TLN2: variants seen among roughly 807,000 people sequenced by gnomAD.
The protein encoded by TLN2 is talin 2.
A neutral mutation model predicts 294.7 loss-of-function variants in TLN2; 118 were observed. The observed-to-expected ratio is 0.40, with a 90% CI of 0.34 to 0.47. The LOEUF is 0.47. Among genes scored for constraint, TLN2 ranks in the 20% least tolerant of loss-of-function variants. The probability of loss-of-function intolerance (pLI) is 0.84; values close to 1 mark genes in which losing one functional copy is unlikely to be tolerated. For missense variants in TLN2, 3,083 were observed against 3,282.2 expected, an observed-to-expected ratio of 0.94 and a Z score of 1.48; for synonymous variants, 1,431 against 1,304.5, an observed-to-expected ratio of 1.10 and a Z score of -2.09.
In TLN2 at chr15:62,492,513, G is replaced by A. The variant is rs1182106381; in HGVS notation, c.-237-97174G>A. On this transcript the variant is annotated intron_variant, in intron 1 of 58. Coordinates refer to ENST00000636159, the MANE Select transcript of TLN2 (RefSeq NM_015059.3). ...AGAAGTTGCAGTGAGCCGAGATGGC[G>A]CCCCTGGGCGACAGAGCGAGACTCT... 4.9e-5 allele frequency among the ~76,000 whole-genome samples: 7 copies of A among 142,382 alleles called. No homozygotes were observed. In the East Asian group the frequency reaches 6.6e-4, roughly 13 times the overall value. The allele number at this position is 142,382 out of a possible 152,430, so 93.4% of individuals were successfully genotyped here. A position where few individuals can be genotyped will look rare whatever the true frequency, so the allele number is the denominator to read the frequency against.
chr15:62,668,745 C>G (rs887473903), intron 9 of TLN2, among the ~76,000 whole-genome samples: 3 of 152,146 alleles, frequency 2.0e-5, no homozygotes, highest in East Asian at 1.9e-4. Flanking sequence ...TACAAGATGC[C>G]GGCTTCCCAC....
In TLN2 at chr15:62,841,146, CA is replaced by C. The variant is rs1468020956; in HGVS notation, c.*537del. Reference sequence around the variant, plus strand: ...TCCATGTCTTGAGCACTGGCTCACCCAGGGGGTGAAAAATTCCCGCCCCTGT... The same window carrying C: ...TCCATGTCTTGAGCACTGGCTCACCCGGGGGTGAAAAATTCCCGCCCCTGT... On this transcript the variant is annotated 3_prime_UTR_variant, in exon 59 of 59. Coordinates refer to ENST00000636159, the MANE Select transcript of TLN2 (RefSeq NM_015059.3). 1.3e-5 allele frequency: 2 copies of C among 152,822 alleles called. No individual in the cohort carries two copies. The highest frequency in any genetic ancestry group is 1.9e-4 in the East Asian group (1 of 5,194). The allele number at this position is 152,822 out of a possible 1,614,324, so 9.5% of individuals were successfully genotyped here.
intron 1 of TLN2, among the ~76,000 whole-genome samples, chr15:62,447,010 C>T (rs1053970562): frequency 6.6e-6 from 1 of 152,102 alleles, no homozygotes; most frequent in Admixed American, 6.5e-5. Flanking sequence ...GTTTTTAGGT[C>T]AGTGGAGTTT....
chr15:62,680,703 C>A (rs1276035854), intron 11 of TLN2, among the ~76,000 whole-genome samples: 1 of 151,758 alleles, frequency 6.6e-6, no homozygotes, highest in African/African-American at 2.4e-5. Flanking sequence ...ATTATACTTA[C>A]TGTATAGTTT....
rs1596327590 is a variant in TLN2, at chr15:62,608,148, A to C, written c.-161-10203A>C. On this transcript the variant is annotated intron_variant, in intron 2 of 58. Transcript: ENST00000636159. ...GACTCTAATTGACATTCATTTATTC[A>C]ACAAACATTTATTGAGCATCTACAA... Among the ~76,000 whole-genome samples the C allele has an allele frequency of 3.9e-5, 6 of 152,124 alleles. No individual in the cohort carries two copies. The South Asian group carries it at 1.2e-3, about 32-fold the overall frequency.
intron 1 of TLN2, among the ~76,000 whole-genome samples, chr15:62,585,077 T>G (rs1171410099): frequency 1.3e-5 from 2 of 152,218 alleles, no homozygotes; most frequent in Non-Finnish European, 2.9e-5. Context: ...TAATGGAATT[T>G]GATGACAAAT....
At position 62,697,830 on chromosome 15, in the gene TLN2, A is replaced by G; in HGVS notation, c.1435A>G (p.Met479Val). The G allele has an allele frequency of 6.2e-7, 1 of 1,612,904 alleles. No homozygotes were observed. The highest frequency in any genetic ancestry group is 1.1e-5 in the South Asian group (1 of 91,056). The change falls in exon 15 of 59, where the codon ATG becomes GTG. Residue 479 changes from methionine (M) to valine (V), a missense_variant. Coordinates refer to ENST00000636159, the MANE Select transcript of TLN2 (RefSeq NM_015059.3). ...CATGCCCTCGCCACAGCAGCAGGTCATGGTTGGGCAGATGCACCGAGGCCA... is the reference window on the plus strand; with the variant it reads ...CATGCCCTCGCCACAGCAGCAGGTCGTGGTTGGGCAGATGCACCGAGGCCA... ...GSMPSPQQQVMVGQMHRGHMP... is the reference protein window; with the variant it reads ...GSMPSPQQQVVVGQMHRGHMP...
chr15:62,455,329 C>T (rs1595845335), intron 1 of TLN2, among the ~76,000 whole-genome samples: 2 of 152,042 alleles, frequency 1.3e-5, no homozygotes, highest in African/African-American at 2.4e-5. Context: ...ACTTCAGCCG[C>T]GCCTTCAGCA....
At chr15:62,487,250 T>C (rs759480338) in intron 1 of TLN2, among the ~76,000 whole-genome samples, 8 of 152,192 alleles carry the variant, frequency 5.3e-5, no homozygotes, top group Non-Finnish European at 1.0e-4. Context: ...ACTTGCGTGA[T>C]GTGTACATAC....
chr15:62,553,596 A>G (rs1431558744), intron 1 of TLN2, among the ~76,000 whole-genome samples: 1 of 152,186 alleles, frequency 6.6e-6, no homozygotes, highest in Admixed American at 6.5e-5. Flanking sequence ...ACTTTTTCCC[A>G]CCTTTTCCTC....
chr15:62,568,018 C>G (rs2043549207), intron 1 of TLN2, among the ~76,000 whole-genome samples: 1 of 152,158 alleles, frequency 6.6e-6, no homozygotes, highest in Non-Finnish European at 1.5e-5. Context: ...TGTCACTTTC[C>G]CCTACTGAGT....
intron 1 of TLN2, among the ~76,000 whole-genome samples, chr15:62,563,108 C>A (rs1030083740): frequency 2.6e-5 from 4 of 151,924 alleles, no homozygotes; most frequent in East Asian, 1.9e-4. Context: ...TGAGTAGATA[C>A]CCAGTAGTGG....
At chr15:62,451,830 A>G (rs2036170751) in intron 1 of TLN2, among the ~76,000 whole-genome samples, 1 of 152,174 alleles carries the variant, frequency 6.6e-6, no homozygotes, top group South Asian at 2.1e-4. Context: ...TTGATGGTAC[A>G]TATCAAGCCG....
At chr15:62,522,329 A>G (rs1466877261) in intron 1 of TLN2, among the ~76,000 whole-genome samples, 1 of 152,140 alleles carries the variant, frequency 6.6e-6, no homozygotes, top group Non-Finnish European at 1.5e-5. Context: ...TTTAAAAAAC[A>G]CTGGGGGTGG....
chr15:62,579,689 C>G (rs368046893), intron 1 of TLN2, among the ~76,000 whole-genome samples: 2 of 152,098 alleles, frequency 1.3e-5, no homozygotes, highest in East Asian at 3.9e-4. Context: ...TAGCTACAGA[C>G]CCGAGATACT....
At chr15:62,556,731 G>T (rs540173300) in intron 1 of TLN2, among the ~76,000 whole-genome samples, 1 of 152,210 alleles carries the variant, frequency 6.6e-6, no homozygotes, top group East Asian at 1.9e-4. Context: ...ACTTTATTTT[G>T]TTTTTCTGTC....
chr15:62,557,819 G>T (rs2042694327), intron 1 of TLN2, among the ~76,000 whole-genome samples: 1 of 152,210 alleles, frequency 6.6e-6, no homozygotes, highest in African/African-American at 2.4e-5. Flanking sequence ...GGGATTACAG[G>T]CGTGAGCCAC....
intron 1 of TLN2, among the ~76,000 whole-genome samples, chr15:62,404,170 G>C (rs2033231010): frequency 6.6e-6 from 1 of 152,222 alleles, no homozygotes; most frequent in South Asian, 2.1e-4. Context: ...TGTGTTGAGA[G>C]TTAGGGGTTC....
intron 25 of TLN2, among the ~76,000 whole-genome samples, chr15:62,720,132 T>G (rs2140913309): frequency 6.6e-6 from 1 of 152,384 alleles, no homozygotes; most frequent in South Asian, 2.1e-4. Flanking sequence ...TTATCGTATT[T>G]ATTTCTCTTC....
Sources: allele counts gnomAD v4.1 joint callset (sites outside exome capture counted in the v4.1 genomes callset), GRCh38; gene constraint gnomAD v4.1.1; transcripts MANE v1.5; gene names NCBI Gene and HGNC (gene_info 2026-07-23, HGNC 2026-07-21).